The following AHI1 variants were observed in gnomAD, a reference collection of about 807,000 sequenced individuals.
AHI1 encodes the protein jouberin.
AHI1 carries 123 observed loss-of-function variants against 149.3 expected under a neutral mutation model. The observed-to-expected ratio is 0.82, with a 90% confidence interval of 0.71 to 0.96. The LOEUF (loss-of-function observed/expected upper bound fraction) is 0.96, where lower values mean the gene tolerates loss of function less well. Among genes scored for constraint, AHI1 ranks in the 40% least tolerant of loss-of-function variants. AHI1 has a pLI of 0.00. For synonymous variants in AHI1, 475 were observed against 459.8 expected, an observed-to-expected ratio of 1.03 and a Z score of -0.42; for missense variants, 1,439 against 1,422.7, an observed-to-expected ratio of 1.01 and a Z score of -0.18.
At chr6:135,416,055 T>C (rs1782330506) in intron 20 of AHI1, among the ~76,000 whole-genome samples, 1 of 152,140 alleles carries the variant, frequency 6.6e-6, no homozygotes, top group Non-Finnish European at 1.5e-5. Context: ...ATTATCTTGA[T>C]TGAGGCAATA....
intron 24 of AHI1, among the ~76,000 whole-genome samples, chr6:135,341,884 C>G (rs1790427158): frequency 6.6e-6 from 1 of 151,764 alleles, no homozygotes; most frequent in African/African-American, 2.4e-5. Context: ...TATTTTTACT[C>G]TGTACCTTAA....
chr6:135,429,723 A>G (rs1224907366), intron 18 of AHI1, among the ~76,000 whole-genome samples, 159 bp downstream of exon 18: 1 of 151,538 alleles, frequency 6.6e-6, no homozygotes, highest in African/African-American at 2.4e-5. Context: ...AGATACTAGA[A>G]GCAACATAAA....
In AHI1 at chr6:135,284,646, T is replaced by TGTAA. The variant is rs1781508996; in HGVS notation, c.*995_*998dup. The TGTAA allele has an allele frequency of 6.6e-6, 1 of 152,152 alleles. No individual in the cohort carries two copies. The highest frequency in any genetic ancestry group is 2.4e-5 in the African/African-American group (1 of 41,444). The allele number at this position is 152,152 out of a possible 1,614,324, so 9.4% of individuals were successfully genotyped here. Reference sequence around the variant, plus strand: ...TAAGATTAAAATAAATATTAAACAATGTAAGTCTACAAAATAGGTATGTGC... The same window carrying TGTAA: ...TAAGATTAAAATAAATATTAAACAATGTAAGTAAGTCTACAAAATAGGTATGTGC... On this transcript the variant is annotated 3_prime_UTR_variant, in exon 29 of 29. Transcript: ENST00000265602.
intron 23 of AHI1, among the ~76,000 whole-genome samples, chr6:135,367,353 T>A (rs1774337122): frequency 6.6e-6 from 1 of 152,282 alleles, no homozygotes; most frequent in South Asian, 2.1e-4. Flanking sequence ...GATCTTTTTG[T>A]GATGAATTTC....
intron 24 of AHI1, among the ~76,000 whole-genome samples, chr6:135,337,741 G>C (rs947047792): frequency 2.7e-5 from 4 of 147,360 alleles, no homozygotes; most frequent in African/African-American, 1.0e-4. Flanking sequence ...CTCCAGCCTG[G>C]GTTACAGAGT....
At chr6:135,449,520 C>T (rs557098034) in intron 11 of AHI1, among the ~76,000 whole-genome samples, 2 of 152,260 alleles carry the variant, frequency 1.3e-5, no homozygotes, top group East Asian at 3.9e-4. Context: ...TCACACAAAA[C>T]ATGAAGTATC....
At chr6:135,361,653 A>ATT (rs1793892914) in intron 23 of AHI1, among the ~76,000 whole-genome samples, 1 of 89,384 alleles carries the variant, frequency 1.1e-5, no homozygotes, top group Non-Finnish European at 2.1e-5. Flanking sequence ...TTTCACACAC[A>ATT]CACACACACA....
chr6:135,398,012 C>T (rs1398038315), intron 22 of AHI1, among the ~76,000 whole-genome samples: 1 of 146,274 alleles, frequency 6.8e-6, no homozygotes, highest in African/African-American at 2.5e-5. Flanking sequence ...AATCTGATGG[C>T]AGTTCTGGTG....
intron 16 of AHI1, 101 bp downstream of exon 16, chr6:135,432,926 C>T (rs1218969404): frequency 2.9e-5 from 23 of 801,886 alleles, no homozygotes; most frequent in South Asian, 2.2e-4. Context: ...CCTAAATATG[C>T]GCAATCATCA....
intron 24 of AHI1, among the ~76,000 whole-genome samples, chr6:135,340,201 A>G (rs1405569182): frequency 6.6e-6 from 1 of 151,992 alleles, no homozygotes; most frequent in African/African-American, 2.4e-5. Flanking sequence ...GAAACCCTGT[A>G]TCTACTAAAA....
intron 27 of AHI1, among the ~76,000 whole-genome samples, chr6:135,300,151 C>A (rs1339309831): frequency 1.3e-5 from 2 of 151,752 alleles, no homozygotes; most frequent in Non-Finnish European, 2.9e-5. Flanking sequence ...ATGGTGAAAC[C>A]CTGTCTCTAC....
chr6:135,352,064 T>C (rs970135527), intron 24 of AHI1, among the ~76,000 whole-genome samples: 3 of 152,214 alleles, frequency 2.0e-5, no homozygotes, highest in Non-Finnish European at 2.9e-5. Flanking sequence ...CTGATCCCGA[T>C]AGTCTCCTTA....
chr6:135,364,915 AAGAGGAAGAGGG>A (rs1467833978), intron 23 of AHI1, among the ~76,000 whole-genome samples: 1 of 150,582 alleles, frequency 6.6e-6, no homozygotes, highest in African/African-American at 2.5e-5. Flanking sequence ...TGGGGAGAGG[AAGAGGAAGAGGG>A]AGAGGGAGAG....
chr6:135,470,321 G>A (rs891833384), intron 5 of AHI1, among the ~76,000 whole-genome samples: 2 of 152,164 alleles, frequency 1.3e-5, no homozygotes, highest in Non-Finnish European at 2.9e-5. Flanking sequence ...AACAACAGAT[G>A]CTGGTGAAGC....
At chr6:135,362,118 G>A (rs1372515696) in intron 23 of AHI1, among the ~76,000 whole-genome samples, 1 of 151,890 alleles carries the variant, frequency 6.6e-6, no homozygotes, top group Non-Finnish European at 1.5e-5. Flanking sequence ...GTGTGTGTAG[G>A]TGTGAGTGTG....
Position 135,466,274 on chromosome 6 carries a change from T to C in AHI1, c.289A>G (p.Thr97Ala). 1 of 1,613,968 alleles carries C rather than the reference T, an allele frequency of 6.2e-7. No individual in the cohort carries two copies. Among genetic ancestry groups the C allele is most frequent in the Non-Finnish European group, 8.5e-7 (1 of 1,179,858 alleles). Reference sequence around the variant, plus strand: ...TGTGTGTTCCTCAATTTGTTTTTAGTGACTCTCGTGCTCTTCTTCAGGTTG... The same window carrying C: ...TGTGTGTTCCTCAATTTGTTTTTAGCGACTCTCGTGCTCTTCTTCAGGTTG... ...TNNLKKSTRV[T>A]KNKLRNTQLA... The change falls in exon 7 of 29, where the codon ACT becomes GCT. Residue 97 changes from threonine to alanine, a missense_variant. Transcript: ENST00000265602.
At chr6:135,307,961 C>T (rs1342912109) in intron 26 of AHI1, among the ~76,000 whole-genome samples, 1 of 152,018 alleles carries the variant, frequency 6.6e-6, no homozygotes, top group African/African-American at 2.4e-5. Flanking sequence ...ATTATCCAGC[C>T]CCAAATGCCA....
At chr6:135,417,667 T>C (rs756660711) in intron 20 of AHI1, among the ~76,000 whole-genome samples, 27 of 152,052 alleles carry the variant, frequency 1.8e-4, no homozygotes, top group Admixed American at 1.2e-3. Context: ...GGAAATTTTC[T>C]ATACAGAAGC....
intron 15 of AHI1, among the ~76,000 whole-genome samples, chr6:135,437,160 T>C (rs900197730): frequency 7.9e-5 from 12 of 152,206 alleles, no homozygotes; most frequent in Admixed American, 2.6e-4. Flanking sequence ...AAATTGAAGA[T>C]AGTCATCTAA....
Sources: allele counts gnomAD v4.1 joint callset (sites outside exome capture counted in the v4.1 genomes callset), GRCh38; gene constraint gnomAD v4.1.1; transcripts MANE v1.5; gene names NCBI Gene and HGNC (gene_info 2026-07-23, HGNC 2026-07-21).